Variants in LMCD1 observed in about 807,000 individuals in gnomAD.
LMCD1 encodes the protein LIM and cysteine-rich domains protein 1.
LMCD1 carries 32 observed loss-of-function variants against 42.7 expected under a neutral mutation model. That is an observed-to-expected ratio of 0.75 (90% CI 0.57 to 1.01). The LOEUF is 1.01. Ranked by LOEUF, LMCD1 falls within the 50% of genes least tolerant of loss-of-function variation. LMCD1 has a pLI of 0.00. For missense variants in LMCD1, 458 were observed against 483.1 expected, an observed-to-expected ratio of 0.95 and a Z score of 0.49; for synonymous variants, 178 against 184.9, an observed-to-expected ratio of 0.96 and a Z score of 0.30.
At chr3:8,509,064 C>T (rs538361627) in intron 1 of LMCD1, among the ~76,000 whole-genome samples, 7 of 152,216 alleles carry the variant, frequency 4.6e-5, no homozygotes, top group Non-Finnish European at 8.8e-5. Context: ...AAAGATAGCT[C>T]ACCGTAGTTC....
intron 1 of LMCD1, among the ~76,000 whole-genome samples, chr3:8,526,204 T>A (rs371369569): frequency 7.2e-5 from 11 of 152,220 alleles, no homozygotes; most frequent in Admixed American, 2.6e-4. Context: ...CTGTTTCTCC[T>A]TCCTAGCACT....
chr3:8,518,529 T>A (rs1457613073), intron 1 of LMCD1, among the ~76,000 whole-genome samples: 3 of 152,166 alleles, frequency 2.0e-5, no homozygotes, highest in Non-Finnish European at 2.9e-5. Flanking sequence ...GAAGACAGCA[T>A]TTCTTTCCAA....
intron 4 of LMCD1, among the ~76,000 whole-genome samples, chr3:8,556,019 A>G (rs1204260529): frequency 2.6e-5 from 4 of 152,194 alleles, no homozygotes; most frequent in Non-Finnish European, 5.9e-5. Flanking sequence ...ATCATAAAGA[A>G]TAGTTTTAGC....
intron 1 of LMCD1, 63 bp downstream of exon 1, chr3:8,502,043 G>C: frequency 6.7e-7 from 1 of 1,492,728 alleles, no homozygotes; most frequent in African/African-American, 1.4e-5. Context: ...CTTCCCATCT[G>C]TTCGCGGAAA....
intron 4 of LMCD1, chr3:8,550,417 A>T: frequency 1.0e-6 from 1 of 984,584 alleles, no homozygotes; most frequent in Non-Finnish European, 1.2e-6. Context: ...ACCCAGGGAA[A>T]TGCCAGCCCA....
At position 8,568,149 on chromosome 3, in the gene LMCD1, A is replaced by C. The variant is rs1429505743; in HGVS notation, c.*551A>C. ...ACACCCTTATCTAATTATTTACACC[A>C]TGGCAGTGATTTTGCAACACCCAGT... On this transcript the variant is annotated 3_prime_UTR_variant, in exon 6 of 6. Transcript: ENST00000157600. 5 of 152,210 alleles carry C rather than the reference A, an allele frequency of 3.3e-5. No individual in the cohort carries two copies. Among genetic ancestry groups the C allele is most frequent in the Non-Finnish European group, 7.3e-5 (5 of 68,056 alleles). 9.4% of individuals were successfully genotyped at this position (152,210 alleles called of 1,614,324 possible).
rs771744784 is a variant in LMCD1 at position 8,501,890 on chromosome 3, C to T, written c.-49C>T. On this transcript the variant is annotated 5_prime_UTR_variant, in exon 1 of 6. Coordinates refer to ENST00000157600, the MANE Select transcript of LMCD1 (RefSeq NM_014583.4). ...CGCCGCTGTCCCCGCTGCGCGCCCTCGCGCCTCTGCCTGAGAAGCCAGGCG... is the reference window on the plus strand; with the variant it reads ...CGCCGCTGTCCCCGCTGCGCGCCCTTGCGCCTCTGCCTGAGAAGCCAGGCG... 17 of 1,555,738 alleles carry T rather than the reference C, an allele frequency of 1.1e-5. No individual in the cohort carries two copies. In the East Asian group the frequency reaches 4.3e-4, roughly 39 times the overall value.
intron 1 of LMCD1, among the ~76,000 whole-genome samples, chr3:8,502,331 T>A (rs1413263853): frequency 3.6e-5 from 2 of 56,278 alleles, no homozygotes; most frequent in African/African-American, 8.6e-5. Context: ...TTATATATAA[T>A]ATATATTATA....
rs775456203 is a variant in LMCD1, at chr3:8,571,274, T to C, written c.*3676T>C. 1 of 152,224 alleles carries C rather than the reference T, an allele frequency of 6.6e-6. No homozygotes were observed. The highest frequency in any genetic ancestry group is 1.5e-5 in the Non-Finnish European group (1 of 68,036). 9.4% of individuals were successfully genotyped at this position (152,224 alleles called of 1,614,324 possible). A position where few individuals can be genotyped will look rare whatever the true frequency, so the allele number is the denominator to read the frequency against. ...GAACTTCTAAAGAATAATCGTATTATCTTTATTTCCCCAACTCTTAGTACA... is the reference window on the plus strand; with the variant it reads ...GAACTTCTAAAGAATAATCGTATTACCTTTATTTCCCCAACTCTTAGTACA... On this transcript the variant is annotated 3_prime_UTR_variant, in exon 6 of 6. Coordinates refer to ENST00000157600, the MANE Select transcript of LMCD1 (RefSeq NM_014583.4).
At chr3:8,524,602 AT>A (rs1408713278) in intron 1 of LMCD1, among the ~76,000 whole-genome samples, 2 of 152,064 alleles carry the variant, frequency 1.3e-5, no homozygotes, top group African/African-American at 4.8e-5. Flanking sequence ...TGAAAAGGGA[AT>A]TTTTTTCAGC....
intron 3 of LMCD1, among the ~76,000 whole-genome samples, chr3:8,544,542 C>T (rs1694697700): frequency 6.6e-6 from 1 of 152,084 alleles, no homozygotes; most frequent in Admixed American, 6.6e-5. Flanking sequence ...AGGTCACCTG[C>T]CTTTCCCCTT....
intron 1 of LMCD1, 123 bp from the exon 2 acceptor site, chr3:8,532,614 T>C (rs1194565047): frequency 1.3e-6 from 1 of 754,530 alleles, no homozygotes; most frequent in Non-Finnish European, 2.3e-6. Context: ...GATGGCTTAT[T>C]GATCTCAAGC....
intron 2 of LMCD1, 52 bp downstream of exon 2, chr3:8,532,877 C>A: frequency 6.9e-7 from 1 of 1,443,904 alleles, no homozygotes; most frequent in Non-Finnish European, 9.7e-7. Context: ...CTTGGCTGTC[C>A]TCTCGGGGAA....
At chr3:8,556,591 T>A (rs1161940419) in intron 4 of LMCD1, among the ~76,000 whole-genome samples, 4 of 152,316 alleles carry the variant, frequency 2.6e-5, no homozygotes, top group Non-Finnish European at 1.5e-5. Context: ...CAGACTCTAA[T>A]TAACAGGTGT....
chr3:8,567,384 C>T (rs1193367944), intron 5 of LMCD1, 56 bp from the exon 6 acceptor site: 3 of 1,555,962 alleles, frequency 1.9e-6, no homozygotes, highest in African/African-American at 2.7e-5. Context: ...CTAGATATAC[C>T]GTCTCTACCT....
At chr3:8,515,560 A>G (rs1694082265) in intron 1 of LMCD1, among the ~76,000 whole-genome samples, 2 of 152,088 alleles carry the variant, frequency 1.3e-5, no homozygotes, top group South Asian at 4.1e-4. Flanking sequence ...TCTCCATGTT[A>G]TGCTCCTTGA....
At chr3:8,544,008 G>C (rs1694685579) in intron 3 of LMCD1, among the ~76,000 whole-genome samples, 1 of 152,206 alleles carries the variant, frequency 6.6e-6, no homozygotes. Flanking sequence ...CCCAGATGTT[G>C]CTGCAGTTGT....
At chr3:8,559,158 A>G (rs1399011685) in intron 4 of LMCD1, among the ~76,000 whole-genome samples, 1 of 152,142 alleles carries the variant, frequency 6.6e-6, no homozygotes, top group Non-Finnish European at 1.5e-5. Context: ...AAATGGAGAG[A>G]ACTGATAGGG....
At chr3:8,550,395 A>G in intron 4 of LMCD1, 1 of 984,628 alleles carries the variant, frequency 1.0e-6, no homozygotes, top group Non-Finnish European at 1.2e-6. Context: ...GCAGTCACAC[A>G]TGAGCCAGGC....
Sources: allele counts gnomAD v4.1 joint callset (sites outside exome capture counted in the v4.1 genomes callset), GRCh38; gene constraint gnomAD v4.1.1; transcripts MANE v1.5; gene names NCBI Gene and HGNC (gene_info 2026-07-23, HGNC 2026-07-21).